Variants in TUSC3 observed in about 807,000 individuals in gnomAD.
TUSC3 encodes the protein tumor suppressor candidate 3.
A neutral mutation model predicts 44.8 loss-of-function variants in TUSC3; 45 were observed. The observed-to-expected ratio is 1.00, with a 90% CI of 0.79 to 1.29. TUSC3 has a LOEUF of 1.29. Ranked by LOEUF, TUSC3 falls within the 50% of genes most tolerant of loss-of-function variation. The pLI is 0.00. For missense variants in TUSC3, 519 were observed against 437.9 expected (o/e 1.19, Z -1.65); for synonymous variants, 212 against 152.9 (o/e 1.39, Z -2.85).
intron 1 of TUSC3, among the ~76,000 whole-genome samples, chr8:15,463,931 G>A (rs894815489): frequency 2.0e-5 from 3 of 152,176 alleles, no homozygotes; most frequent in East Asian, 1.9e-4. Context: ...TCATTAGTGC[G>A]CTTGCACATT....
At chr8:15,450,114 GTTTATC>G (rs1388929736) in intron 1 of TUSC3, among the ~76,000 whole-genome samples, 2 of 152,052 alleles carry the variant, frequency 1.3e-5, no homozygotes, top group Admixed American at 1.3e-4. Flanking sequence ...ACGACTGTAT[GTTTATC>G]TTTATAAACA....
intron 2 of TUSC3, among the ~76,000 whole-genome samples, chr8:15,521,087 G>T (rs779938394): frequency 2.0e-4 from 30 of 152,160 alleles, no homozygotes; most frequent in Non-Finnish European, 3.4e-4. Flanking sequence ...TACATACAGG[G>T]CATTCCTGGA....
chr8:15,594,050 G>T (rs985364267), intron 1 of TUSC3, among the ~76,000 whole-genome samples: 1 of 152,100 alleles, frequency 6.6e-6, no homozygotes, highest in African/African-American at 2.4e-5. Flanking sequence ...TCCCCAACTT[G>T]TATACTACTT....
intron 2 of TUSC3, among the ~76,000 whole-genome samples, chr8:15,650,051 A>C (rs1226510173): frequency 6.6e-6 from 1 of 152,188 alleles, no homozygotes; most frequent in South Asian, 2.1e-4. Flanking sequence ...CAAAATATCT[A>C]ATAAAAATGT....
intron 1 of TUSC3, among the ~76,000 whole-genome samples, chr8:15,593,885 A>G (rs1803957844): frequency 1.3e-5 from 2 of 152,062 alleles, no homozygotes. Context: ...ACCAATCAGA[A>G]TGTTAATTGT....
At chr8:15,611,910 A>G (rs139761714) in intron 1 of TUSC3, among the ~76,000 whole-genome samples, 111 of 152,342 alleles carry the variant, frequency 7.3e-4, no homozygotes, top group African/African-American at 2.6e-3. Flanking sequence ...TTTCTACTAA[A>G]TGCAAAACGA....
chr8:15,672,744 G>T (rs572922751), intron 5 of TUSC3, among the ~76,000 whole-genome samples: 3 of 151,968 alleles, frequency 2.0e-5, no homozygotes, highest in East Asian at 1.9e-4. Context: ...TTTAGATATC[G>T]TTTTTTATTT....
chr8:15,826,724 A>C, the TUSC3 span, among the ~76,000 whole-genome samples: 1 of 151,986 alleles, frequency 6.6e-6, no homozygotes, highest in African/African-American at 2.4e-5. Context: ...AGAGATTCAA[A>C]GGCAGGAAGA....
intron 1 of TUSC3, among the ~76,000 whole-genome samples, chr8:15,602,227 ATATAT>A (rs1804318165): frequency 6.6e-6 from 1 of 151,606 alleles, no homozygotes. Flanking sequence ...TACTCAGCCT[ATATAT>A]AGGCCTTCCT....
intron 1 of TUSC3, among the ~76,000 whole-genome samples, chr8:15,430,702 G>C (rs954613543): frequency 1.3e-5 from 2 of 151,650 alleles, no homozygotes; most frequent in Non-Finnish European, 2.9e-5. Context: ...CCTGTTTGCA[G>C]ATGACATGCT....
chr8:15,599,756 C>G (rs966227697), intron 1 of TUSC3, among the ~76,000 whole-genome samples: 15 of 149,896 alleles, frequency 1.0e-4, no homozygotes, highest in African/African-American at 2.9e-4. Flanking sequence ...TTTCTTAGCC[C>G]TCTATTCTGT....
At chr8:15,780,117 T>G in the TUSC3 span, among the ~76,000 whole-genome samples, 5 of 152,196 alleles carry the variant, frequency 3.3e-5, no homozygotes, top group African/African-American at 1.2e-4. Context: ...GGCTCCTGAC[T>G]TCACTCACAC....
intron 6 of TUSC3, among the ~76,000 whole-genome samples, chr8:15,674,403 T>C: frequency 6.6e-6 from 1 of 152,062 alleles, no homozygotes; most frequent in East Asian, 1.9e-4. Flanking sequence ...AATACTGTGA[T>C]AAATCAACAT....
chr8:15,775,553 C>G, the TUSC3 span, among the ~76,000 whole-genome samples: 2 of 151,696 alleles, frequency 1.3e-5, no homozygotes, highest in African/African-American at 2.4e-5. Context: ...ACATGGTTCT[C>G]TTATCCGGAC....
intron 1 of TUSC3, among the ~76,000 whole-genome samples, chr8:15,587,381 T>C (rs1803644865): frequency 6.6e-6 from 1 of 152,188 alleles, no homozygotes; most frequent in Non-Finnish European, 1.5e-5. Flanking sequence ...CTTCTGTCTT[T>C]TACATTAAAA....
intron 5 of TUSC3, among the ~76,000 whole-genome samples, chr8:15,671,478 G>A (rs1807943813): frequency 6.6e-6 from 1 of 151,982 alleles, no homozygotes; most frequent in Non-Finnish European, 1.5e-5. Flanking sequence ...TTGCATTTTA[G>A]AAGTGCATGT....
At chr8:15,507,760 T>G (rs1693371419) in intron 2 of TUSC3, among the ~76,000 whole-genome samples, 2 of 146,586 alleles carry the variant, frequency 1.4e-5, no homozygotes, top group Admixed American at 1.4e-4. Flanking sequence ...TCTTTAACAG[T>G]CTACTTGGGA....
At chr8:15,782,693 A>G in the TUSC3 span, among the ~76,000 whole-genome samples, 2 of 152,224 alleles carry the variant, frequency 1.3e-5, no homozygotes, top group African/African-American at 2.4e-5. Context: ...ACATCCTGTC[A>G]TGATAAAAAC....
intron 1 of TUSC3, among the ~76,000 whole-genome samples, chr8:15,548,397 T>C (rs1801945891): frequency 6.6e-6 from 1 of 151,842 alleles, no homozygotes; most frequent in South Asian, 2.1e-4. Flanking sequence ...TATGATACAG[T>C]TGTACATGGC....
Sources: gnomAD v4.1 joint callset for allele counts (sites outside exome capture counted in the v4.1 genomes callset) on GRCh38, gnomAD v4.1.1 for gene constraint, MANE v1.5 for transcripts, NCBI Gene and HGNC (gene_info 2026-07-23, HGNC 2026-07-21) for gene names.